LRIF1: variants seen among roughly 807,000 people sequenced by gnomAD.
LRIF1 encodes ligand-dependent nuclear receptor-interacting factor 1.
A neutral mutation model predicts 52.7 loss-of-function variants in LRIF1; 32 were observed. The observed-to-expected ratio is 0.61, with a 90% CI of 0.46 to 0.82. The LOEUF is 0.82. Ranked by LOEUF, LRIF1 falls within the 40% of genes least tolerant of loss-of-function variation. LRIF1 has a pLI of 0.00. For missense variants in LRIF1, 887 were observed against 892.0 expected, an observed-to-expected ratio of 0.99 and a Z score of 0.07; for synonymous variants, 323 against 317.4, an observed-to-expected ratio of 1.02 and a Z score of -0.19.
the LRIF1 span, among the ~76,000 whole-genome samples, chr1:110,893,649 C>T: frequency 6.6e-6 from 1 of 152,156 alleles, no homozygotes; most frequent in Admixed American, 6.5e-5. Flanking sequence ...AAACTGGAGC[C>T]AAGAGAAAGA....
chr1:110,963,446 G>A (rs929256261), intron 1 of LRIF1, 175 bp downstream of exon 1: 1 of 493,012 alleles, frequency 2.0e-6, no homozygotes, highest in Non-Finnish European at 3.7e-6. Flanking sequence ...ATTTCCCAGA[G>A]GAAAGCGCTC....
At chr1:110,957,739 T>C (rs1178512803) in intron 1 of LRIF1, among the ~76,000 whole-genome samples, 2 of 152,194 alleles carry the variant, frequency 1.3e-5, no homozygotes, top group Non-Finnish European at 2.9e-5. Flanking sequence ...CCACATCATA[T>C]AGGTTTCAAA....
chr1:110,897,560 T>G, the LRIF1 span: 1 of 324,090 alleles, frequency 3.1e-6, no homozygotes, highest in Non-Finnish European at 5.7e-6. Flanking sequence ...CTAGTTTAAC[T>G]CAGCGGGTAA....
Position 110,949,835 on chromosome 1 carries a change from A to G in LRIF1, c.1869+16T>C, listed in dbSNP as rs1217047975. 5 of 1,608,536 alleles carry G rather than the reference A, an allele frequency of 3.1e-6. No homozygotes were observed. The South Asian group carries it at 4.4e-5, about 14-fold the overall frequency. On this transcript the variant is annotated intron_variant, in intron 3 of 3. Transcript: ENST00000369763. ...TTGTAGTACCTATGAAGAGCACATTAAAATGTATTACCTACCTGTTTTCTC... is the reference window on the plus strand; with the variant it reads ...TTGTAGTACCTATGAAGAGCACATTGAAATGTATTACCTACCTGTTTTCTC...
the LRIF1 span, among the ~76,000 whole-genome samples, chr1:110,900,224 G>A: frequency 2.6e-5 from 4 of 152,114 alleles, no homozygotes; most frequent in Admixed American, 1.3e-4. Context: ...CTCTCACATC[G>A]CTGTTGGCAA....
the LRIF1 span, among the ~76,000 whole-genome samples, chr1:110,931,937 C>T: frequency 2.6e-5 from 4 of 152,012 alleles, no homozygotes; most frequent in Non-Finnish European, 4.4e-5. Flanking sequence ...CTGTAGGTTG[C>T]CTGTTCACTC....
At chr1:110,885,564 C>T in the LRIF1 span, among the ~76,000 whole-genome samples, 1 of 145,306 alleles carries the variant, frequency 6.9e-6, no homozygotes, top group Non-Finnish European at 1.5e-5. Flanking sequence ...ACAACAACAA[C>T]AAAAAAAGAG....
chr1:110,925,731 A>G, the LRIF1 span, among the ~76,000 whole-genome samples: 4 of 152,156 alleles, frequency 2.6e-5, no homozygotes, highest in Non-Finnish European at 5.9e-5. Context: ...TAGAAAATCC[A>G]AAACATCTGC....
intron 1 of LRIF1, among the ~76,000 whole-genome samples, chr1:110,962,927 C>T (rs1570952899): frequency 6.6e-6 from 1 of 151,198 alleles, no homozygotes; most frequent in African/African-American, 2.4e-5. Context: ...AAAAAAAAAA[C>T]CCAAAAACTA....
chr1:110,897,647 CTTATGCCTG>C, the LRIF1 span: 2 of 483,800 alleles, frequency 4.1e-6, no homozygotes, highest in Non-Finnish European at 7.5e-6. Context: ...TATTTCCCAC[CTTATGCCTG>C]TTTCTTCATT....
At chr1:110,930,270 GTTTA>G in the LRIF1 span, among the ~76,000 whole-genome samples, 1 of 152,104 alleles carries the variant, frequency 6.6e-6, no homozygotes, top group East Asian at 1.9e-4. Flanking sequence ...CTCAATTTGG[GTTTA>G]TTTGTTAAAG....
chr1:110,943,899 T>C (rs1254775394), downstream of LRIF1: 2 of 152,216 alleles, frequency 1.3e-5, no homozygotes, highest in South Asian at 2.1e-4. Flanking sequence ...AGGGCTACAA[T>C]AGCATATTAC....
At chr1:110,955,231 T>C (rs1401481969) in intron 1 of LRIF1, among the ~76,000 whole-genome samples, 1 of 152,208 alleles carries the variant, frequency 6.6e-6, no homozygotes, top group East Asian at 1.9e-4. Context: ...TCCTCCTTTC[T>C]TATTCCTTAT....
the LRIF1 span, among the ~76,000 whole-genome samples, chr1:110,897,089 C>T: frequency 4.6e-5 from 7 of 152,168 alleles, no homozygotes; most frequent in Non-Finnish European, 1.0e-4. Flanking sequence ...AAAGTTTCTC[C>T]CTCTCCCTCT....
chr1:110,949,087 G>A (rs1214157198), intron 3 of LRIF1, among the ~76,000 whole-genome samples: 4 of 151,082 alleles, frequency 2.6e-5, no homozygotes, highest in African/African-American at 7.3e-5. Context: ...TTACCTGTGC[G>A]TGTGTGTGTG....
chr1:110,918,706 A>G, the LRIF1 span, among the ~76,000 whole-genome samples: 1 of 152,206 alleles, frequency 6.6e-6, no homozygotes, highest in Non-Finnish European at 1.5e-5. Context: ...AAATGTATTG[A>G]GCATTTAGAG....
At chr1:110,959,107 C>A (rs955167648) in intron 1 of LRIF1, among the ~76,000 whole-genome samples, 10 of 152,258 alleles carry the variant, frequency 6.6e-5, no homozygotes, top group Non-Finnish European at 1.2e-4. Flanking sequence ...TTCTGCATCC[C>A]ATTTTCTAGT....
At chr1:110,898,813 T>C in the LRIF1 span, among the ~76,000 whole-genome samples, 2 of 152,180 alleles carry the variant, frequency 1.3e-5, no homozygotes, top group Non-Finnish European at 2.9e-5. Flanking sequence ...TGGATAGAGA[T>C]AACTCATTGC....
chr1:110,942,506 A>G (rs1348594345), downstream of LRIF1, among the ~76,000 whole-genome samples: 1 of 152,132 alleles, frequency 6.6e-6, no homozygotes, highest in African/African-American at 2.4e-5. Flanking sequence ...GCTGTAGGAC[A>G]CTGGTAGAAG....
Sources: allele counts gnomAD v4.1 joint callset (sites outside exome capture counted in the v4.1 genomes callset), GRCh38; gene constraint gnomAD v4.1.1; transcripts MANE v1.5; gene names NCBI Gene and HGNC (gene_info 2026-07-23, HGNC 2026-07-21).